ITGB5: variants seen among roughly 807,000 people sequenced by gnomAD.
ITGB5 encodes integrin subunit beta 5.
In ITGB5, 38 loss-of-function variants were observed where a neutral mutation model predicts 84.8. The observed-to-expected ratio is 0.45, with a 90% CI of 0.35 to 0.59. The LOEUF (loss-of-function observed/expected upper bound fraction) is 0.59, where lower values mean the gene tolerates loss of function less well. ITGB5 is among the 20% of genes least tolerant of loss of function. The pLI, the probability that ITGB5 is intolerant of heterozygous loss-of-function variation, is 0.01. For synonymous variants in ITGB5, 393 were observed against 414.4 expected, an observed-to-expected ratio of 0.95 and a Z score of 0.63; for missense variants, 905 against 1,034.5, an observed-to-expected ratio of 0.87 and a Z score of 1.72.
At chr3:124,831,647 A>G (rs530847474) in intron 5 of ITGB5, among the ~76,000 whole-genome samples, 9 of 152,184 alleles carry the variant, frequency 5.9e-5, no homozygotes, top group Non-Finnish European at 1.2e-4. Flanking sequence ...GTTCTGGAAT[A>G]AAGATGCCAT....
intron 1 of ITGB5, among the ~76,000 whole-genome samples, chr3:124,885,101 T>C (rs1022777558): frequency 6.6e-6 from 1 of 152,076 alleles, no homozygotes; most frequent in Non-Finnish European, 1.5e-5. Context: ...TGAAACCCCA[T>C]CTCTACTAAA....
intron 1 of ITGB5, among the ~76,000 whole-genome samples, chr3:124,875,616 CA>C (rs1934275088): frequency 6.6e-6 from 1 of 152,014 alleles, no homozygotes; most frequent in African/African-American, 2.4e-5. Flanking sequence ...TTCCTTAAAC[CA>C]GAAGTACTAT....
intron 3 of ITGB5, among the ~76,000 whole-genome samples, chr3:124,856,166 A>C (rs1026242616): frequency 1.3e-5 from 2 of 152,168 alleles, no homozygotes; most frequent in African/African-American, 4.8e-5. Flanking sequence ...GATTACAGGC[A>C]TAAGCCACCA....
intron 8 of ITGB5, among the ~76,000 whole-genome samples, chr3:124,817,045 C>T (rs868412714): frequency 9.2e-5 from 14 of 152,158 alleles, no homozygotes; most frequent in African/African-American, 2.6e-4. Flanking sequence ...CATAGTGAGA[C>T]CTCATCTCTC....
At chr3:124,896,066 A>G (rs1216561385) in intron 1 of ITGB5, among the ~76,000 whole-genome samples, 1 of 152,206 alleles carries the variant, frequency 6.6e-6, no homozygotes, top group Non-Finnish European at 1.5e-5. Flanking sequence ...ACAAAAAAGC[A>G]ATGTGCTTGC....
chr3:124,835,901 G>T (rs1579272328), intron 5 of ITGB5, among the ~76,000 whole-genome samples: 1 of 152,194 alleles, frequency 6.6e-6, no homozygotes. Context: ...GGTGTCTGCA[G>T]CAGCCTCTAC....
rs754994996 is a variant in ITGB5, at chr3:124,848,363, TC to T, written c.556del (p.Asp186ThrfsTer117). 2 of 1,614,146 alleles carry T rather than the reference TC, an allele frequency of 1.2e-6. No homozygotes were observed. Among genetic ancestry groups the T allele is most frequent in the Non-Finnish European group, 8.5e-7 (1 of 1,180,024 alleles). Reference protein sequence around the residue: ...RLGFGSFVDKDISPFSYTAPR... With the variant: ...RLGFGSFVDKXISPFSYTAPR... ...TGCCGTGTAGGAGAAAGGAGAGATG[TC>T]CTTATCAACAAAAGACCCAAATCCC... On this transcript the variant is annotated frameshift_variant, in exon 4 of 15. Transcript: ENST00000296181. LOFTEE classifies it high-confidence loss of function.
intron 3 of ITGB5, among the ~76,000 whole-genome samples, chr3:124,849,535 A>T (rs1307905853): frequency 6.6e-6 from 1 of 152,222 alleles, no homozygotes. Flanking sequence ...ACAACTCATT[A>T]TCATTGGAAA....
chr3:124,853,683 G>A (rs2065186601), intron 3 of ITGB5, among the ~76,000 whole-genome samples: 1 of 152,156 alleles, frequency 6.6e-6, no homozygotes, highest in South Asian at 2.1e-4. Context: ...AAAAAAATAG[G>A]GGCTGGCAGG....
rs1466919639 is a variant in ITGB5, at chr3:124,762,457, G to A, written c.*1166C>T. 6.6e-6 allele frequency: 1 copy of A among 152,178 alleles called. No individual in the cohort carries two copies. The highest frequency in any genetic ancestry group is 2.4e-5 in the African/African-American group (1 of 41,436). The allele number at this position is 152,178 out of a possible 1,614,324, so 9.4% of individuals were successfully genotyped here. ...TTCCTCTTCTGTACATAAGGGGAGAGGGTCAGTCAACCATCTTAGATATGG... is the reference window on the plus strand; with the variant it reads ...TTCCTCTTCTGTACATAAGGGGAGAAGGTCAGTCAACCATCTTAGATATGG... On this transcript the variant is annotated 3_prime_UTR_variant, in exon 15 of 15. Coordinates refer to ENST00000296181, the MANE Select transcript of ITGB5 (RefSeq NM_002213.5).
intron 12 of ITGB5, 40 bp downstream of exon 12, chr3:124,768,973 A>C: frequency 6.6e-7 from 1 of 1,524,042 alleles, no homozygotes; most frequent in Non-Finnish European, 9.1e-7. Context: ...CCCAGGAAGG[A>C]GAAAAACCGT....
intron 2 of ITGB5, among the ~76,000 whole-genome samples, chr3:124,864,447 G>A (rs956581548): frequency 6.6e-5 from 10 of 151,982 alleles, no homozygotes; most frequent in Non-Finnish European, 8.8e-5. Flanking sequence ...CAATGAATAC[G>A]GATGCCTCAT....
intron 9 of ITGB5, among the ~76,000 whole-genome samples, chr3:124,800,323 A>T (rs146061028): frequency 6.6e-5 from 10 of 152,304 alleles, no homozygotes; most frequent in African/African-American, 2.4e-4. Flanking sequence ...TGTGAGTATA[A>T]CCTTGTCTCA....
chr3:124,886,301 C>T (rs1405935094), intron 1 of ITGB5, among the ~76,000 whole-genome samples: 1 of 151,828 alleles, frequency 6.6e-6, no homozygotes. Flanking sequence ...ACGCGGGTGC[C>T]CCCTCGGGTT....
At chr3:124,800,160 C>G (rs2064295005) in intron 9 of ITGB5, among the ~76,000 whole-genome samples, 2 of 152,168 alleles carry the variant, frequency 1.3e-5, no homozygotes, top group Admixed American at 1.3e-4. Context: ...CTTCAAGTTA[C>G]AGCTGAAACC....
intron 5 of ITGB5, among the ~76,000 whole-genome samples, chr3:124,823,546 G>A (rs1422017120): frequency 6.6e-6 from 1 of 150,972 alleles, no homozygotes; most frequent in Admixed American, 6.6e-5. Flanking sequence ...GATTGGAAGG[G>A]GTCACAAAGA....
intron 14 of ITGB5, among the ~76,000 whole-genome samples, chr3:124,763,950 G>A (rs1284626595): frequency 6.6e-6 from 1 of 152,188 alleles, no homozygotes; most frequent in Non-Finnish European, 1.5e-5. Context: ...GGGTCAGAAG[G>A]TCTCTGAAGT....
At chr3:124,767,346 T>A (rs1579164183) in intron 12 of ITGB5, among the ~76,000 whole-genome samples, 1 of 152,224 alleles carries the variant, frequency 6.6e-6, no homozygotes, top group Non-Finnish European at 1.5e-5. Context: ...CTCAGCTCCC[T>A]TCTGGGCTGG....
At chr3:124,767,980 G>A (rs938904422) in intron 12 of ITGB5, among the ~76,000 whole-genome samples, 1 of 152,152 alleles carries the variant, frequency 6.6e-6, no homozygotes, top group African/African-American at 2.4e-5. Context: ...GAGGAAAGAG[G>A]TTTGCCTGAG....
Sources: allele counts gnomAD v4.1 joint callset (sites outside exome capture counted in the v4.1 genomes callset), GRCh38; gene constraint gnomAD v4.1.1; transcripts MANE v1.5; gene names NCBI Gene and HGNC (gene_info 2026-07-23, HGNC 2026-07-21).